Variants in PTPRN2 observed in about 807,000 individuals in gnomAD.
PTPRN2 encodes the protein protein tyrosine phosphatase receptor type N2.
In PTPRN2, 74 loss-of-function variants were observed where a neutral mutation model predicts 118.8. The observed-to-expected ratio is 0.62, with a 90% CI of 0.52 to 0.76. PTPRN2 has a LOEUF of 0.76. Ranked by LOEUF, PTPRN2 falls within the 30% of genes least tolerant of loss-of-function variation. The pLI, the probability that PTPRN2 is intolerant of heterozygous loss-of-function variation, is 0.00. For missense variants in PTPRN2, 1,481 were observed against 1,394.4 expected (o/e 1.06, Z -0.99); for synonymous variants, 641 against 608.0 (o/e 1.05, Z -0.80).
At chr7:157,852,975 T>G (rs1809393772) in intron 12 of PTPRN2, among the ~76,000 whole-genome samples, 1 of 152,098 alleles carries the variant, frequency 6.6e-6, no homozygotes, top group Admixed American at 6.5e-5. Context: ...TGCCCACTGT[T>G]TTGGAAAAGT....
chr7:158,302,160 G>A (rs767445031), intron 3 of PTPRN2, among the ~76,000 whole-genome samples: 2 of 152,200 alleles, frequency 1.3e-5, no homozygotes, highest in Non-Finnish European at 1.5e-5. Context: ...TCAGGGTGGT[G>A]GGTACTGTGA....
Position 158,109,264 on chromosome 7 carries a change from A to C in PTPRN2, c.1643+1565T>G, listed in dbSNP as rs200783681. Reference sequence around the variant, plus strand: ...GAAGGAGCCAGTGAGTGAATGACATAACTCCTGAGTGAAGGAGACAGTGAG... The same window carrying C: ...GAAGGAGCCAGTGAGTGAATGACATCACTCCTGAGTGAAGGAGACAGTGAG... On this transcript the variant is annotated intron_variant, in intron 10 of 22. Coordinates refer to ENST00000389418, the MANE Select transcript of PTPRN2 (RefSeq NM_002847.5). Among the ~76,000 whole-genome samples the C allele has an allele frequency of 5.6e-4, 72 of 129,458 alleles. No homozygotes were observed. The East Asian group carries it at 0.012, about 22-fold the overall frequency. 84.9% of individuals were successfully genotyped at this position (129,458 alleles called of 152,430 possible).
At chr7:158,001,696 G>A (rs920299896) in intron 11 of PTPRN2, among the ~76,000 whole-genome samples, 13 of 152,198 alleles carry the variant, frequency 8.5e-5, no homozygotes, top group African/African-American at 2.2e-4. Flanking sequence ...CTCCCAATCC[G>A]TGCTGAGAGC....
In PTPRN2 at chr7:158,278,608, G is replaced by A. The variant is rs776877499; in HGVS notation, c.277+38211C>T. The stretch of plus-strand genomic sequence containing the variant: ...TGATGTAGATGGACATGTTGTGTCC[G>A]GAATTGGTGGGTTCTTGGTCTCGCT... On this transcript the variant is annotated intron_variant, in intron 3 of 22. Coordinates refer to ENST00000389418, the MANE Select transcript of PTPRN2 (RefSeq NM_002847.5). Among the ~76,000 whole-genome samples, 13 of 152,244 alleles carry A rather than the reference G, an allele frequency of 8.5e-5. 1 individual carries two copies. Among genetic ancestry groups the A allele is most frequent in the Non-Finnish European group, 1.3e-4 (9 of 68,046 alleles).
chr7:157,873,358 C>T (rs565243158), intron 12 of PTPRN2, among the ~76,000 whole-genome samples: 1 of 152,268 alleles, frequency 6.6e-6, no homozygotes, highest in Middle Eastern at 3.2e-3. Context: ...CCAGTTTGCT[C>T]GCTTCCCTGG....
At chr7:158,584,007 C>G (rs1828781638) in intron 1 of PTPRN2, among the ~76,000 whole-genome samples, 1 of 152,226 alleles carries the variant, frequency 6.6e-6, no homozygotes, top group Admixed American at 6.5e-5. Flanking sequence ...TCCGATGGCT[C>G]TGCCTCTCGG....
At chr7:157,854,209 G>A (rs988800825) in intron 12 of PTPRN2, among the ~76,000 whole-genome samples, 1 of 152,248 alleles carries the variant, frequency 6.6e-6, no homozygotes, top group African/African-American at 2.4e-5. Flanking sequence ...CCTGGACAGG[G>A]CCTACATTGG....
At chr7:158,313,317 C>A (rs1802027231) in intron 3 of PTPRN2, among the ~76,000 whole-genome samples, 1 of 152,236 alleles carries the variant, frequency 6.6e-6, no homozygotes. Flanking sequence ...CACCCCAGGA[C>A]ACACCCCACA....
rs536483188 is a variant in PTPRN2, at chr7:157,929,882, C to G, written c.1724-31145G>C. The stretch of plus-strand genomic sequence containing the variant: ...ACGCTTATTGTAATGAATCTGAAGG[C>G]AGCCCCCACCAACGCGCTGGCTGCC... On this transcript the variant is annotated intron_variant, in intron 11 of 22. Coordinates refer to ENST00000389418, the MANE Select transcript of PTPRN2 (RefSeq NM_002847.5). This position sits in a 1 kb window ranked among gnomAD's most constrained non-coding sequence, Gnocchi z 4.4. Among the ~76,000 whole-genome samples the G allele has an allele frequency of 6.6e-6, 1 of 152,006 alleles. No individual in the cohort carries two copies. The highest frequency in any genetic ancestry group is 1.9e-4 in the East Asian group (1 of 5,166).
chr7:158,536,598 CT>C (rs1825661049), intron 1 of PTPRN2, among the ~76,000 whole-genome samples: 1 of 149,696 alleles, frequency 6.7e-6, no homozygotes, highest in Non-Finnish European at 1.5e-5. Context: ...ACACAAGGGC[CT>C]TCCCAGGCAG....
chr7:158,432,453 G>T (rs904740366), intron 2 of PTPRN2, among the ~76,000 whole-genome samples: 2 of 152,202 alleles, frequency 1.3e-5, no homozygotes, highest in African/African-American at 2.4e-5. Context: ...CAGTGTTCAG[G>T]AGGGGGAGGG....
In PTPRN2 at chr7:157,903,359, T is replaced by C. The variant is rs1003755469; in HGVS notation, c.1724-4622A>G. ...TGCAAGACGGGAGCAAGCAAGACGG[T>C]ACCCCAAACCTCAGCATCACCAGTA... On this transcript the variant is annotated intron_variant, in intron 11 of 22. Transcript: ENST00000389418. The surrounding 1 kb of genome is among the most constrained non-coding windows in gnomAD (Gnocchi z 4.2). Among the ~76,000 whole-genome samples the C allele has an allele frequency of 6.6e-6, 1 of 151,840 alleles. No individual in the cohort carries two copies. The highest frequency in any genetic ancestry group is 1.5e-5 in the Non-Finnish European group (1 of 68,024).
intron 9 of PTPRN2, among the ~76,000 whole-genome samples, chr7:158,112,049 G>A (rs1248968243): frequency 1.3e-5 from 2 of 152,164 alleles, no homozygotes; most frequent in Non-Finnish European, 2.9e-5. Flanking sequence ...GCAGGGGCGA[G>A]GCTGGGAGCA....
intron 2 of PTPRN2, among the ~76,000 whole-genome samples, chr7:158,408,199 G>A (rs1320861582): frequency 6.6e-6 from 1 of 152,146 alleles, no homozygotes; most frequent in African/African-American, 2.4e-5. Context: ...ATGATCAAAT[G>A]TGCCTTTGCA....
chr7:158,038,809 C>T (rs895575082), intron 11 of PTPRN2, among the ~76,000 whole-genome samples: 2 of 146,648 alleles, frequency 1.4e-5, no homozygotes, highest in Non-Finnish European at 3.0e-5. Flanking sequence ...AGAATAATGA[C>T]ACAGATATTA....
chr7:157,986,236 G>A lies in PTPRN2; in HGVS notation c.1724-87499C>T, dbSNP rs1029306963. ...GCCAGCAAGTATGTCTGCCTCTGAC[G>A]AGTCACTGTTGGATGTGAGGCAACG... is the stretch of plus-strand genomic sequence containing the variant. On this transcript the variant is annotated intron_variant, in intron 11 of 22. Coordinates refer to ENST00000389418, the MANE Select transcript of PTPRN2 (RefSeq NM_002847.5). This position sits in a 1 kb window ranked among gnomAD's most constrained non-coding sequence, Gnocchi z 4.5. Among the ~76,000 whole-genome samples, 2 of 152,184 alleles carry A rather than the reference G, an allele frequency of 1.3e-5. No homozygotes were observed. Among genetic ancestry groups the A allele is most frequent in the Non-Finnish European group, 2.9e-5 (2 of 68,032 alleles).
intron 11 of PTPRN2, among the ~76,000 whole-genome samples, chr7:158,049,949 T>C (rs932837258): frequency 3.3e-5 from 5 of 152,098 alleles, no homozygotes; most frequent in Non-Finnish European, 7.3e-5. Flanking sequence ...CAGTTCTTAT[T>C]TGTTGCAATG....
Position 157,779,613 on chromosome 7 carries a change from C to T in PTPRN2, c.1789-96676G>A, listed in dbSNP as rs1585445210. Among the ~76,000 whole-genome samples, 1 of 152,184 alleles carries T rather than the reference C, an allele frequency of 6.6e-6. No homozygotes were observed. The highest frequency in any genetic ancestry group is 2.4e-5 in the African/African-American group (1 of 41,438). On this transcript the variant is annotated intron_variant, in intron 12 of 22. Coordinates refer to ENST00000389418, the MANE Select transcript of PTPRN2 (RefSeq NM_002847.5). This position sits in a 1 kb window ranked among gnomAD's most constrained non-coding sequence, Gnocchi z 4.7. ...TTCTCTGTCTAAATAACTTGCTTCT[C>T]ACCCTGCTGCAGGAGTCTCCGAAGC... is the stretch of plus-strand genomic sequence containing the variant.
chr7:157,809,367 G>C (rs991615875), intron 12 of PTPRN2, among the ~76,000 whole-genome samples: 4 of 151,940 alleles, frequency 2.6e-5, no homozygotes, highest in African/African-American at 7.3e-5. Flanking sequence ...TCTGGCCCTG[G>C]AGGGGGCTCA....
Sources: gnomAD v4.1 joint callset for allele counts (sites outside exome capture counted in the v4.1 genomes callset) on GRCh38, gnomAD v4.1.1 for gene constraint, Gnocchi (gnomAD v3.1) non-coding constraint, MANE v1.5 for transcripts, NCBI Gene and HGNC (gene_info 2026-07-23, HGNC 2026-07-21) for gene names.